GGA3: variants seen among roughly 807,000 people sequenced by gnomAD.
GGA3 encodes golgi associated, gamma adaptin ear containing, ARF binding protein 3.
Under a neutral mutation model 77.5 loss-of-function variants are expected in GGA3, and 57 were observed. The observed-to-expected ratio is 0.74, with a 90% confidence interval of 0.59 to 0.92. The LOEUF is 0.92. GGA3 is among the 40% of genes least tolerant of loss of function. The pLI is 0.00. For missense variants in GGA3, 970 were observed against 914.9 expected, an observed-to-expected ratio of 1.06 and a Z score of -0.78; for synonymous variants, 416 against 383.7, an observed-to-expected ratio of 1.08 and a Z score of -0.98.
upstream of GGA3, chr17:75,261,963 G>T: frequency 6.2e-7 from 1 of 1,606,678 alleles, no homozygotes; most frequent in Non-Finnish European, 8.5e-7. Flanking sequence ...GCGTGCGGCG[G>T]GCTGTCTTGC....
At chr17:75,249,236 G>A (rs1477961813) in intron 1 of GGA3, among the ~76,000 whole-genome samples, 1 of 152,140 alleles carries the variant, frequency 6.6e-6, no homozygotes. Flanking sequence ...AGTAGAGATG[G>A]GGTTTCGCCA....
intron 16 of GGA3, 125 bp downstream of exon 16, chr17:75,238,527 A>AGGCAGCAAAG: frequency 1.0e-6 from 1 of 956,584 alleles, no homozygotes; most frequent in Non-Finnish European, 1.6e-6. Flanking sequence ...ACTTAACCTA[A>AGGCAGCAAAG]GGCAGCAAAG....
chr17:75,248,886 C>T (rs2076862199), intron 1 of GGA3: 1 of 984,628 alleles, frequency 1.0e-6, no homozygotes, highest in Non-Finnish European at 1.2e-6. Flanking sequence ...CCTTCACTGG[C>T]AACAGGGCTG....
rs551758721 is a variant in GGA3, at chr17:75,238,857, G to A, written c.1950+57C>T. The A allele has an allele frequency of 4.2e-4, 668 of 1,593,100 alleles. 5 individuals are homozygous for A. The highest frequency in any genetic ancestry group is 1.0e-3 in the Middle Eastern group (6 of 5,970). On this transcript the variant is annotated intron_variant, in intron 15 of 16. Coordinates refer to ENST00000537686, the MANE Select transcript of GGA3 (RefSeq NM_138619.4). The stretch of plus-strand genomic sequence containing the variant: ...ACACTGCCACCTGCTGGCTGCAAAG[G>A]CCTCTACACAACAGGGTCAAGATAA...
chr17:75,237,987 G>C lies in GGA3; in HGVS notation c.*292C>G. 8.2e-7 allele frequency: 1 copy of C among 1,214,424 alleles called. No homozygotes were observed. Among genetic ancestry groups the C allele is most frequent in the Non-Finnish European group, 1.0e-6 (1 of 976,750 alleles). The allele number at this position is 1,214,424 out of a possible 1,614,324, so 75.2% of individuals were successfully genotyped here. ...AGAAGGAAGCAAACACCTACGCCAA[G>C]CCTGGGGGTCCATGTTCCCGGGACA... On this transcript the variant is annotated 3_prime_UTR_variant, in exon 17 of 17. Coordinates refer to ENST00000537686, the MANE Select transcript of GGA3 (RefSeq NM_138619.4).
chr17:75,242,193 G>A (rs2076582010), intron 8 of GGA3, 143 bp downstream of exon 8: 6 of 850,676 alleles, frequency 7.1e-6, no homozygotes, highest in South Asian at 3.1e-5. Flanking sequence ...TGACGTGGCT[G>A]CTGTGCAGAT....
Position 75,243,163 on chromosome 17 carries a change from A to G in GGA3, c.428T>C (p.Ile143Thr), listed in dbSNP as rs2076631111. Residue 143 changes from isoleucine to threonine, a missense_variant, in exon 6 of 17, where the codon ATA becomes ACA. Transcript: ENST00000537686. ...AGGAATTGGTGGGTCAGACTGCACTATGCCTGAAAGGGGACATGGCAGCAC... is the reference window on the plus strand; with the variant it reads ...AGGAATTGGTGGGTCAGACTGCACTGTGCCTGAAAGGGGACATGGCAGCAC... The part of the protein sequence containing the change: ...DAYHMLKRQG[I>T]VQSDPPIPVD... 4 of 1,605,168 alleles carry G rather than the reference A, an allele frequency of 2.5e-6. No individual in the cohort carries two copies.
Position 75,244,633 on chromosome 17 carries a change from C to T in GGA3, c.286G>A (p.Val96Ile). 6.2e-7 allele frequency: 1 copy of T among 1,610,480 alleles called. No individual in the cohort carries two copies. ...KFRFLNELIK[V>I]VSPKYLGDRV... ...CGCTGACTGACCTTTGGAGAGACGACTTTGATTAACTCATTCAAAAAGCGG... is the reference window on the plus strand; with the variant it reads ...CGCTGACTGACCTTTGGAGAGACGATTTTGATTAACTCATTCAAAAAGCGG... The change falls in exon 4 of 17, where the codon GTC (valine) becomes ATC (isoleucine). Residue 96 changes from valine to isoleucine, a missense_variant. By Grantham distance (29) the Val-to-Ile change is conservative. Coordinates refer to ENST00000537686, the MANE Select transcript of GGA3 (RefSeq NM_138619.4).
intron 3 of GGA3, among the ~76,000 whole-genome samples, chr17:75,245,515 G>C (rs773081447): frequency 5.3e-5 from 8 of 151,822 alleles, no homozygotes; most frequent in Non-Finnish European, 1.0e-4. Flanking sequence ...GAATCACTGG[G>C]TTTTGTTACG....
chr17:75,254,603 TTAAA>T (rs896547732), intron 1 of GGA3, among the ~76,000 whole-genome samples: 4 of 152,110 alleles, frequency 2.6e-5, no homozygotes, highest in African/African-American at 9.7e-5. Flanking sequence ...GCTCCCGACA[TTAAA>T]TAAAACTCCA....
At chr17:75,256,027 C>T (rs1163407277) in intron 1 of GGA3, among the ~76,000 whole-genome samples, 3 of 152,152 alleles carry the variant, frequency 2.0e-5, no homozygotes, top group Non-Finnish European at 4.4e-5. Flanking sequence ...TGAAAACACA[C>T]GTGCTCTCCC....
intron 5 of GGA3, 48 bp downstream of exon 5, chr17:75,243,399 G>A: frequency 1.9e-6 from 3 of 1,609,410 alleles, no homozygotes; most frequent in Non-Finnish European, 2.5e-6. Flanking sequence ...CCTTGCCTGG[G>A]CCAGCCTTCG....
At chr17:75,248,238 G>A (rs369720912) in intron 1 of GGA3, among the ~76,000 whole-genome samples, 3 of 151,866 alleles carry the variant, frequency 2.0e-5, no homozygotes, top group Non-Finnish European at 2.9e-5. Flanking sequence ...TTGGGAGGCC[G>A]AGGCGGGCGG....
At chr17:75,254,250 G>C (rs1187525261) in intron 1 of GGA3, among the ~76,000 whole-genome samples, 4 of 151,922 alleles carry the variant, frequency 2.6e-5, no homozygotes. Flanking sequence ...AGGCCATCTA[G>C]GTCCCAATTC....
At chr17:75,247,935 G>T (rs187238569) in intron 1 of GGA3, among the ~76,000 whole-genome samples, 54 of 152,270 alleles carry the variant, frequency 3.5e-4, no homozygotes, top group African/African-American at 1.1e-3. Context: ...TCCCATCTCT[G>T]ATTCAGGTCC....
In GGA3 at chr17:75,241,176, A is replaced by G. The variant is rs1019326546; in HGVS notation, c.947-119T>C. ...ACAGCCTCTGGCCTAATCCAACGGC[A>G]TCTCTGCCAGGGGATGCTGCAAAGC... On this transcript the variant is annotated intron_variant, in intron 10 of 16. Coordinates refer to ENST00000537686, the MANE Select transcript of GGA3 (RefSeq NM_138619.4). 3.8e-5 allele frequency: 47 copies of G among 1,230,476 alleles called. No individual in the cohort carries two copies. The African/African-American group carries it at 6.8e-4, about 18-fold the overall frequency. The allele number at this position is 1,230,476 out of a possible 1,614,324, so 76.2% of individuals were successfully genotyped here.
chr17:75,258,885 T>C (rs140577789), intron 1 of GGA3, among the ~76,000 whole-genome samples: 2 of 151,452 alleles, frequency 1.3e-5, no homozygotes, highest in African/African-American at 4.8e-5. Context: ...GTATCCTCAA[T>C]GAATCATCTC....
intron 3 of GGA3, among the ~76,000 whole-genome samples, chr17:75,245,854 G>C (rs2076738230): frequency 6.6e-6 from 1 of 152,210 alleles, no homozygotes; most frequent in South Asian, 2.1e-4. Flanking sequence ...TCGTTCTACA[G>C]CAAATATGAC....
At chr17:75,256,506 T>A (rs1050122956) in intron 1 of GGA3, among the ~76,000 whole-genome samples, 1 of 151,836 alleles carries the variant, frequency 6.6e-6, no homozygotes, top group Non-Finnish European at 1.5e-5. Flanking sequence ...CATTTCCCCA[T>A]ATTTCCTTCT....
Sources: gnomAD v4.1 joint callset for allele counts (sites outside exome capture counted in the v4.1 genomes callset) on GRCh38, gnomAD v4.1.1 for gene constraint, MANE v1.5 for transcripts, NCBI Gene and HGNC (gene_info 2026-07-23, HGNC 2026-07-21) for gene names.